The following DPP10 variants were observed in gnomAD, a reference collection of about 807,000 sequenced individuals.
DPP10 encodes the protein inactive dipeptidyl peptidase 10.
Under a neutral mutation model 120.9 loss-of-function variants are expected in DPP10, and 33 were observed. That is an observed-to-expected ratio of 0.27 (90% CI 0.21 to 0.37). DPP10 has a LOEUF of 0.37. DPP10 is among the 10% of genes least tolerant of loss of function. The pLI, the probability that DPP10 is intolerant of heterozygous loss-of-function variation, is 1.00. For missense variants in DPP10, 816 were observed against 942.8 expected, an observed-to-expected ratio of 0.87 and a Z score of 1.76; for synonymous variants, 337 against 326.1, an observed-to-expected ratio of 1.03 and a Z score of -0.36.
At chr2:114,498,079 C>A (rs770362320) in intron 1 of DPP10, among the ~76,000 whole-genome samples, 3 of 152,068 alleles carry the variant, frequency 2.0e-5, no homozygotes, top group Non-Finnish European at 2.9e-5. Context: ...TTAAGGGGTA[C>A]AATATGATAC....
chr2:114,804,010 G>A (rs7559207), intron 1 of DPP10, among the ~76,000 whole-genome samples: 71,472 of 151,988 alleles, frequency 0.47, 17,732 homozygotes, highest in East Asian at 0.78. Flanking sequence ...CTTATGGGCC[G>A]GGTCCAGGGT....
rs567216581 is a variant in DPP10, at chr2:115,078,549, G to A, written c.61-230690G>A. Among the ~76,000 whole-genome samples the A allele has an allele frequency of 5.6e-4, 85 of 152,186 alleles. 1 individual carries two copies. The highest frequency in any genetic ancestry group is 1.4e-3 in the African/African-American group (58 of 41,560). The stretch of plus-strand genomic sequence containing the variant: ...GTAAACAAATTGCTGTTTGTATAAC[G>A]CAATACTTAGTAAAGATTATTTAAG... On this transcript the variant is annotated intron_variant, in intron 1 of 25. Coordinates refer to ENST00000410059, the MANE Select transcript of DPP10 (RefSeq NM_020868.6).
intron 1 of DPP10, among the ~76,000 whole-genome samples, chr2:114,955,593 T>C (rs1377561209): frequency 1.3e-5 from 2 of 152,200 alleles, no homozygotes; most frequent in Non-Finnish European, 2.9e-5. Context: ...AAACTAATTT[T>C]ACAAGGCTAG....
At chr2:115,020,277 T>C (rs2105169429) in intron 1 of DPP10, among the ~76,000 whole-genome samples, 1 of 152,128 alleles carries the variant, frequency 6.6e-6, no homozygotes, top group East Asian at 1.9e-4. Context: ...ACCTAACACA[T>C]AAGGACTCAC....
chr2:115,629,585 T>C (rs530052534), intron 5 of DPP10, among the ~76,000 whole-genome samples: 10 of 152,332 alleles, frequency 6.6e-5, no homozygotes, highest in Middle Eastern at 3.4e-3. Flanking sequence ...CATTTTTTCA[T>C]GTGTTTTTTG....
intron 1 of DPP10, among the ~76,000 whole-genome samples, chr2:114,555,880 C>T (rs1420731547): frequency 6.6e-6 from 1 of 152,000 alleles, no homozygotes; most frequent in Non-Finnish European, 1.5e-5. Flanking sequence ...CCAAGAAGAA[C>T]ATAGTATCCT....
intron 1 of DPP10, among the ~76,000 whole-genome samples, chr2:115,175,740 C>T (rs1256936212): frequency 6.6e-6 from 1 of 152,142 alleles, no homozygotes; most frequent in Admixed American, 6.5e-5. Context: ...ACCAGCTACA[C>T]ATGGCTATCA....
intron 1 of DPP10, among the ~76,000 whole-genome samples, chr2:115,200,510 G>T (rs554351151): frequency 6.6e-6 from 1 of 152,258 alleles, no homozygotes; most frequent in Admixed American, 6.5e-5. Context: ...TATACTCTTT[G>T]GTGTCTTTGG....
chr2:115,598,146 A>C (rs1558904265), intron 5 of DPP10, among the ~76,000 whole-genome samples: 1 of 151,752 alleles, frequency 6.6e-6, no homozygotes, highest in Non-Finnish European at 1.5e-5. Flanking sequence ...TTTGTATTTA[A>C]ATCTTTCCCT....
Position 114,481,290 on chromosome 2 carries a change from C to T in DPP10, c.60+38452C>T, listed in dbSNP as rs184785790. Among the ~76,000 whole-genome samples, 20 of 151,780 alleles carry T rather than the reference C, an allele frequency of 1.3e-4. No homozygotes were observed. In the East Asian group the frequency reaches 2.9e-3, roughly 22 times the overall value. On this transcript the variant is annotated intron_variant, in intron 1 of 25. Transcript: ENST00000410059. ...GAAATATTTCACCCAGGACTATATA[C>T]AGATAACAAATAAATAAATGAAAAA...
At chr2:114,696,084 T>TAA (rs1479458863) in intron 1 of DPP10, among the ~76,000 whole-genome samples, 3 of 152,010 alleles carry the variant, frequency 2.0e-5, no homozygotes, top group Non-Finnish European at 4.4e-5. Context: ...GATAGGTATT[T>TAA]AAAATTTGTT....
chr2:114,999,669 T>C (rs1029564291), intron 1 of DPP10, among the ~76,000 whole-genome samples: 2 of 152,170 alleles, frequency 1.3e-5, no homozygotes, highest in Non-Finnish European at 2.9e-5. Flanking sequence ...TTGTCTGTCA[T>C]CTTTGTTTGT....
intron 1 of DPP10, among the ~76,000 whole-genome samples, chr2:115,118,459 C>A (rs1409243363): frequency 6.6e-6 from 1 of 152,194 alleles, no homozygotes; most frequent in Non-Finnish European, 1.5e-5. Context: ...TTGTTACCAG[C>A]AGCAAATGGG....
chr2:114,545,000 C>G (rs554734516), intron 1 of DPP10, among the ~76,000 whole-genome samples: 1 of 151,860 alleles, frequency 6.6e-6, no homozygotes, highest in Admixed American at 6.6e-5. Context: ...TACAGGCGCC[C>G]GCCACCATGC....
intron 1 of DPP10, among the ~76,000 whole-genome samples, chr2:114,793,448 A>AAC (rs1266138189): frequency 6.6e-6 from 1 of 152,112 alleles, no homozygotes; most frequent in Non-Finnish European, 1.5e-5. Context: ...GTTTCCAGTT[A>AAC]CATCCATGTC....
At chr2:115,671,752 A>G (rs980419707) in intron 5 of DPP10, among the ~76,000 whole-genome samples, 22 of 152,020 alleles carry the variant, frequency 1.4e-4, no homozygotes, top group Non-Finnish European at 2.9e-4. Context: ...ACAAAACACC[A>G]ATATTTAAAA....
intron 1 of DPP10, among the ~76,000 whole-genome samples, chr2:115,271,539 A>G (rs1452319781): frequency 2.6e-5 from 4 of 152,164 alleles, no homozygotes; most frequent in African/African-American, 9.7e-5. Flanking sequence ...CAAGCTTCAA[A>G]CTTACACAGA....
intron 1 of DPP10, among the ~76,000 whole-genome samples, chr2:114,725,387 A>G (rs1238108913): frequency 6.6e-6 from 1 of 152,120 alleles, no homozygotes; most frequent in Non-Finnish European, 1.5e-5. Flanking sequence ...TCTGCATCAA[A>G]TTGTCTTCTG....
intron 5 of DPP10, among the ~76,000 whole-genome samples, chr2:115,612,661 A>C (rs2084197603): frequency 6.6e-6 from 1 of 152,122 alleles, no homozygotes; most frequent in Non-Finnish European, 1.5e-5. Context: ...TGCACTTCTT[A>C]GCTATTATGT....
Sources: gnomAD v4.1 joint callset for allele counts (sites outside exome capture counted in the v4.1 genomes callset) on GRCh38, gnomAD v4.1.1 for gene constraint, MANE v1.5 for transcripts, NCBI Gene and HGNC (gene_info 2026-07-23, HGNC 2026-07-21) for gene names.